KNTC1: variants seen among roughly 807,000 people sequenced by gnomAD.
The protein encoded by KNTC1 is kinetochore associated 1, also known as kinetochore-associated protein 1.
KNTC1 carries 253 observed loss-of-function variants against 314.4 expected under a neutral mutation model. That is an observed-to-expected ratio of 0.80 (90% CI 0.73 to 0.89). The LOEUF (loss-of-function observed/expected upper bound fraction) is 0.89. KNTC1 is among the 40% of genes least tolerant of loss of function. The pLI is 0.00. For missense variants in KNTC1, 2,475 were observed against 2,572.9 expected, an observed-to-expected ratio of 0.96 and a Z score of 0.82; for synonymous variants, 901 against 901.4, an observed-to-expected ratio of 1.00 and a Z score of 0.01.
At chr12:122,545,432 AAGAG>A (rs112536142) in intron 8 of KNTC1, among the ~76,000 whole-genome samples, 2 of 152,072 alleles carry the variant, frequency 1.3e-5, no homozygotes, top group Non-Finnish European at 2.9e-5. Flanking sequence ...AGAAACAAAA[AAGAG>A]AGAAAAGAAG....
At position 122,534,726 on chromosome 12, in the gene KNTC1, CCAAT is replaced by C. The variant is rs760686329; in HGVS notation, c.195_198del (p.Ser66Ter). The C allele has an allele frequency of 1.2e-6, 2 of 1,611,196 alleles. No homozygotes were observed. Among genetic ancestry groups the C allele is most frequent in the Admixed American group, 1.7e-5 (1 of 59,824 alleles). Reference sequence around the variant, plus strand: ...GTGATGGGTTTATTATTGTAGCCGACCAATCAGTGATATTGCTTGACAGTATTTG... The same window carrying C: ...GTGATGGGTTTATTATTGTAGCCGACCAGTGATATTGCTTGACAGTATTTG... On this transcript the variant is annotated frameshift_variant, in exon 3 of 64. Transcript: ENST00000333479. LOFTEE classifies it high-confidence loss of function.
chr12:122,602,436 A>G, intron 45 of KNTC1, 133 bp from the exon 46 acceptor site: 1 of 591,176 alleles, frequency 1.7e-6, no homozygotes. Flanking sequence ...ATACTAGAAA[A>G]GGTTTTGATC....
intron 57 of KNTC1, among the ~76,000 whole-genome samples, chr12:122,617,018 C>G (rs558530768): frequency 1.1e-3 from 171 of 152,348 alleles, no homozygotes; most frequent in Non-Finnish European, 2.0e-3. Context: ...TTCTTTCACT[C>G]AGCATCCACA....
At chr12:122,552,428 G>A (rs1006027518) in intron 16 of KNTC1, among the ~76,000 whole-genome samples, 2 of 152,136 alleles carry the variant, frequency 1.3e-5, no homozygotes, top group Non-Finnish European at 2.9e-5. Context: ...ACAGTGGGGC[G>A]ATCACAGCTT....
intron 6 of KNTC1, among the ~76,000 whole-genome samples, chr12:122,543,008 G>A (rs749398815): frequency 3.9e-5 from 6 of 152,090 alleles, no homozygotes; most frequent in Admixed American, 6.6e-5. Context: ...CGCTTCCCAG[G>A]TTCAAGTGAT....
At chr12:122,553,399 A>G (rs1303020765) in intron 16 of KNTC1, among the ~76,000 whole-genome samples, 1 of 152,134 alleles carries the variant, frequency 6.6e-6, no homozygotes, top group Non-Finnish European at 1.5e-5. Flanking sequence ...GCATGCTGGT[A>G]GTCCTAGCTG....
chr12:122,601,676 G>T, intron 45 of KNTC1, 51 bp downstream of exon 45: 1 of 1,407,626 alleles, frequency 7.1e-7, no homozygotes, highest in Non-Finnish European at 9.3e-7. Context: ...CTTTTATTTG[G>T]ATCATAAATC....
chr12:122,599,113 TA>T (rs1736062507), intron 44 of KNTC1, among the ~76,000 whole-genome samples: 1 of 152,108 alleles, frequency 6.6e-6, no homozygotes, highest in Non-Finnish European at 1.5e-5. Flanking sequence ...TACATATTTT[TA>T]TACTTTTGTC....
intron 20 of KNTC1, among the ~76,000 whole-genome samples, chr12:122,565,093 A>C (rs1315387372): frequency 6.6e-6 from 1 of 152,016 alleles, no homozygotes; most frequent in Non-Finnish European, 1.5e-5. Flanking sequence ...TTTTTTTGCT[A>C]ATCTGATGTA....
At chr12:122,606,512 C>G (rs941912396) in intron 51 of KNTC1, among the ~76,000 whole-genome samples, 1 of 152,130 alleles carries the variant, frequency 6.6e-6, no homozygotes, top group Non-Finnish European at 1.5e-5. Flanking sequence ...GCCACCACGC[C>G]TGGCCTGTGG....
Position 122,604,612 on chromosome 12 carries a change from G to A in KNTC1, c.5150G>A (p.Arg1717Lys). The part of the protein sequence containing the change: ...ALKFCLYLAE[R>K]WLQNIPSQDE... ...AAATTCTGCCTTTATTTAGCTGAGA[G>A]ATGGCTACAGAATATCCCATCGCAG... The change falls in exon 49 of 64, where the codon AGA (arginine) becomes AAA (lysine). Residue 1717 changes from arginine (R) to lysine (K), a missense_variant. Arg to Lys is a conservative substitution (Grantham distance 26). Coordinates refer to ENST00000333479, the MANE Select transcript of KNTC1 (RefSeq NM_014708.6). 1 of 1,597,636 alleles carries A rather than the reference G, an allele frequency of 6.3e-7. No homozygotes were observed. The highest frequency in any genetic ancestry group is 8.6e-7 in the Non-Finnish European group (1 of 1,165,850).
intron 3 of KNTC1, among the ~76,000 whole-genome samples, chr12:122,536,535 T>C (rs796190698): frequency 3.1e-4 from 47 of 150,188 alleles, no homozygotes; most frequent in Middle Eastern, 3.4e-3. Context: ...TTTTTTTTTT[T>C]CCCTGAGACA....
At chr12:122,589,776 A>ATTTTTTT (rs375169727) in intron 40 of KNTC1, among the ~76,000 whole-genome samples, 19 of 94,590 alleles carry the variant, frequency 2.0e-4, no homozygotes, top group African/African-American at 2.6e-4. Context: ...GGGCCCCCCA[A>ATTTTTTT]TTTTTTTTTT....
Position 122,585,790 on chromosome 12 carries a change from A to G in KNTC1, c.3673+16A>G. ...CCTCTAGCTGGTAAGTCTTATTTGT[A>G]TCATTATTTTCTATGTGTTTCTGTC... On this transcript the variant is annotated intron_variant, in intron 37 of 63. Transcript: ENST00000333479. 3 of 1,611,472 alleles carry G rather than the reference A, an allele frequency of 1.9e-6. No homozygotes were observed. The highest frequency in any genetic ancestry group is 2.5e-6 in the Non-Finnish European group (3 of 1,177,796).
intron 42 of KNTC1, among the ~76,000 whole-genome samples, chr12:122,591,696 T>C (rs1017954392): frequency 6.6e-6 from 1 of 152,190 alleles, no homozygotes; most frequent in Non-Finnish European, 1.5e-5. Flanking sequence ...AACTTTCTCA[T>C]TTATAGGTAT....
At chr12:122,535,328 A>C (rs1364497282) in intron 3 of KNTC1, among the ~76,000 whole-genome samples, 1 of 152,024 alleles carries the variant, frequency 6.6e-6, no homozygotes, top group Non-Finnish European at 1.5e-5. Flanking sequence ...GTTCAAGACC[A>C]GCCTGGCCAA....
At chr12:122,614,410 G>A (rs1026102815) in intron 55 of KNTC1, among the ~76,000 whole-genome samples, 7 of 152,164 alleles carry the variant, frequency 4.6e-5, no homozygotes, top group Admixed American at 1.3e-4. Flanking sequence ...CTCTGAGTCA[G>A]TTGGAGGCTG....
At chr12:122,533,808 G>A (rs762468486) in intron 2 of KNTC1, among the ~76,000 whole-genome samples, 8 of 150,664 alleles carry the variant, frequency 5.3e-5, no homozygotes, top group Non-Finnish European at 1.0e-4. Context: ...GTGATTAGCT[G>A]TATTTTGTCA....
Position 122,587,798 on chromosome 12 carries a change from G to C in KNTC1, c.3818G>C (p.Arg1273Thr), listed in dbSNP as rs1869583384. 1 of 1,613,770 alleles carries C rather than the reference G, an allele frequency of 6.2e-7. No individual in the cohort carries two copies. Among genetic ancestry groups the C allele is most frequent in the African/African-American group, 1.3e-5 (1 of 74,920 alleles). ...TCTAGCCAGTGGGAGCTAGCCCTAA[G>C]ATTTGTGGTTGGTTCATTTGGTACC... ...QESSQWELAL[R>T]FVVGSFGTCL... Residue 1273 changes from arginine to threonine, a missense_variant, in exon 39 of 64, where the codon AGA becomes ACA. Transcript: ENST00000333479.
Sources: gnomAD v4.1 joint callset for allele counts (sites outside exome capture counted in the v4.1 genomes callset) on GRCh38, gnomAD v4.1.1 for gene constraint, MANE v1.5 for transcripts, NCBI Gene and HGNC (gene_info 2026-07-23, HGNC 2026-07-21) for gene names.